The following ABCC6 variants were observed in gnomAD, a reference collection of about 807,000 sequenced individuals.
ABCC6 encodes the protein ATP binding cassette subfamily C member 6, also known as ATP-binding cassette sub-family C member 6.
A neutral mutation model predicts 169.5 loss-of-function variants in ABCC6; 126 were observed. The observed-to-expected ratio is 0.74, with a 90% CI of 0.64 to 0.86. The LOEUF (loss-of-function observed/expected upper bound fraction) is 0.86. Among genes scored for constraint, ABCC6 ranks in the 40% least tolerant of loss-of-function variants. The probability of loss-of-function intolerance (pLI) is 0.00; values close to 1 mark genes in which losing one functional copy is unlikely to be tolerated. For synonymous variants in ABCC6, 752 were observed against 814.7 expected, an observed-to-expected ratio of 0.92 and a Z score of 1.31; for missense variants, 1,733 against 1,927.2, an observed-to-expected ratio of 0.90 and a Z score of 1.89.
intron 10 of ABCC6, 21 bp downstream of exon 10, chr16:16,198,000 C>T (rs1186845797): frequency 2.5e-6 from 4 of 1,612,136 alleles, no homozygotes; most frequent in Middle Eastern, 1.6e-4. Context: ...GTTCAAATCC[C>T]GTCTTCCTCC....
rs6498616 is a variant in ABCC6, at chr16:16,177,771, C to T, written c.2416-145G>A. ...CAGCCTGGCTGACACGGCTAAGCCCCATCTCTACTAAAAATACAAAAATTA... is the reference window on the plus strand; with the variant it reads ...CAGCCTGGCTGACACGGCTAAGCCCTATCTCTACTAAAAATACAAAAATTA... On this transcript the variant is annotated intron_variant, in intron 18 of 30. Coordinates refer to ENST00000205557, the MANE Select transcript of ABCC6 (RefSeq NM_001171.6). The T allele has an allele frequency of 0.98, 886,342 of 905,218 alleles. 434,243 individuals are homozygous for T. Among genetic ancestry groups the T allele is most frequent in the East Asian group, 1 (39,631 of 39,640 alleles). The allele number at this position is 905,218 out of a possible 1,614,324, so 56.1% of individuals were successfully genotyped here. A position where few individuals can be genotyped will look rare whatever the true frequency, so the allele number is the denominator to read the frequency against.
chr16:16,191,111 G>A (rs898656964), intron 11 of ABCC6, among the ~76,000 whole-genome samples: 1 of 151,756 alleles, frequency 6.6e-6, no homozygotes, highest in African/African-American at 2.4e-5. Context: ...AGGGGCAGCT[G>A]CCTGGAGAAG....
chr16:16,150,710 A>T lies in ABCC6; in HGVS notation c.4271T>A (p.Ile1424Asn). Residue 1424 changes from isoleucine to asparagine, a missense_variant, in exon 30 of 31, where the codon ATC (isoleucine) becomes AAC (asparagine). Coordinates refer to ENST00000205557, the MANE Select transcript of ABCC6 (RefSeq NM_001171.6). ...CACGGCAGCAGTAGCCTCGTCCAGG[A>T]TGAGGATCTGGGTCTTCCGGAGAAG... ...RALLRKTQILILDEATAAVDP... is the reference protein window; with the variant it reads ...RALLRKTQILNLDEATAAVDP... 1.2e-6 allele frequency: 2 copies of T among 1,613,984 alleles called. No individual in the cohort carries two copies. The highest frequency in any genetic ancestry group is 1.7e-6 in the Non-Finnish European group (2 of 1,180,004).
At chr16:16,152,770 C>T (rs2046426918) in intron 29 of ABCC6, among the ~76,000 whole-genome samples, 1 of 151,880 alleles carries the variant, frequency 6.6e-6, no homozygotes, top group South Asian at 2.1e-4. Context: ...CCCAGGCAGT[C>T]TGTCACCTGT....
At chr16:16,197,454 G>A (rs1442803825) in intron 10 of ABCC6, among the ~76,000 whole-genome samples, 1 of 150,918 alleles carries the variant, frequency 6.6e-6, no homozygotes, top group Non-Finnish European at 1.5e-5. Context: ...AGAAAAAGGA[G>A]GAGAGGAAGA....
At chr16:16,191,541 C>A (rs971743758) in intron 11 of ABCC6, among the ~76,000 whole-genome samples, 10 of 151,982 alleles carry the variant, frequency 6.6e-5, no homozygotes, top group African/African-American at 2.4e-4. Context: ...GAAATAAGTT[C>A]CTTCCCTCCA....
At chr16:16,177,719 G>T in intron 18 of ABCC6, 93 bp from the exon 19 acceptor site, 1 of 1,489,886 alleles carries the variant, frequency 6.7e-7, no homozygotes, top group Non-Finnish European at 9.3e-7. Context: ...AAAGCATGTG[G>T]ATCACTTGAG....
At chr16:16,164,183 G>A (rs553213812) in intron 23 of ABCC6, among the ~76,000 whole-genome samples, 36 of 152,096 alleles carry the variant, frequency 2.4e-4, no homozygotes, top group Non-Finnish European at 3.5e-4. Context: ...ACAAGCATGC[G>A]CCACCACACT....
chr16:16,165,224 A>G (rs958556569), intron 23 of ABCC6, among the ~76,000 whole-genome samples: 1 of 152,216 alleles, frequency 6.6e-6, no homozygotes, highest in African/African-American at 2.4e-5. Flanking sequence ...CAGCCTGGGC[A>G]ACACAGGAAG....
rs1403578881 is a variant in ABCC6, at chr16:16,208,829, C to A, written c.693G>T (p.Leu231=). Reference sequence around the variant, plus strand: ...CAAGCGACCAGAGGTCTTTTGGTCTCAGTGGCCTCCTGTATCCCCTCCAGA... The same window carrying A: ...CAAGCGACCAGAGGTCTTTTGGTCTAAGTGGCCTCCTGTATCCCCTCCAGA... ...GLVWRGYRRP[L]RPKDLWSLGR... Residue 231 remains leucine, a synonymous_variant, in exon 7 of 31, where the codon CTG becomes CTT. Coordinates refer to ENST00000205557, the MANE Select transcript of ABCC6 (RefSeq NM_001171.6). 6.2e-7 allele frequency: 1 copy of A among 1,613,466 alleles called. No individual in the cohort carries two copies. The highest frequency in any genetic ancestry group is 8.5e-7 in the Non-Finnish European group (1 of 1,179,732).
Position 16,150,597 on chromosome 16 carries a change from A to C in ABCC6, c.4384T>G (p.Ser1462Ala), listed in dbSNP as rs752497561. Residue 1462 changes from serine to alanine, a missense_variant, in exon 30 of 31, where the codon TCC becomes GCC. Around this residue, in one of 5 missense-constraint regions of ABCC6, gnomAD observed 1,601 missense variants for 1,635.5 expected, o/e 0.98. Coordinates refer to ENST00000205557, the MANE Select transcript of ABCC6 (RefSeq NM_001171.6). ...TVLLIAHRLR[S>A]VMDCARVLVM... ...CCTTACCGGGCACAGTCCATCACGG[A>C]GCGCAGGCGGTGGGCAATGAGCAGC... is the stretch of plus-strand genomic sequence containing the variant. 6.2e-6 allele frequency: 10 copies of C among 1,612,052 alleles called. No homozygotes were observed. Among genetic ancestry groups the C allele is most frequent in the Non-Finnish European group, 8.5e-6 (10 of 1,178,888 alleles).
In ABCC6 at chr16:16,198,078, G is replaced by A; in HGVS notation, c.1281C>T (p.Leu427=). The part of the protein sequence containing the change: ...VQRLTESVLY[L]NGLWLPLVWI... ...AGACGAGAGGCAGCCACAGCCCGTT[G>A]AGGTAGAGGACGCTCTCGGTCAGCC... The change falls in exon 10 of 31, where the codon CTC becomes CTT. Residue 427 remains leucine (L), a synonymous_variant. Coordinates refer to ENST00000205557, the MANE Select transcript of ABCC6 (RefSeq NM_001171.6). The A allele has an allele frequency of 6.2e-7, 1 of 1,614,138 alleles. No individual in the cohort carries two copies.
At chr16:16,170,213 G>T (rs762844632) in intron 21 of ABCC6, among the ~76,000 whole-genome samples, 2 of 151,494 alleles carry the variant, frequency 1.3e-5, no homozygotes, top group East Asian at 1.9e-4. Flanking sequence ...TAATCCCCCC[G>T]CCTCAGCCTC....
chr16:16,214,756 C>T (rs2048788187), intron 4 of ABCC6, among the ~76,000 whole-genome samples: 1 of 152,124 alleles, frequency 6.6e-6, no homozygotes, highest in South Asian at 2.1e-4. Flanking sequence ...AGGTGCCCAC[C>T]ACCATGCCTG....
At chr16:16,189,697 C>T (rs1246590983) in intron 12 of ABCC6, among the ~76,000 whole-genome samples, 1 of 152,166 alleles carries the variant, frequency 6.6e-6, no homozygotes, top group Non-Finnish European at 1.5e-5. Context: ...GGACGACAGG[C>T]ATGAGCCACC....
chr16:16,187,691 T>G (rs762468745), intron 13 of ABCC6, among the ~76,000 whole-genome samples: 80 of 151,622 alleles, frequency 5.3e-4, no homozygotes, highest in Non-Finnish European at 1.6e-4. Context: ...AGGCCAGGAG[T>G]TGGAGACCTG....
intron 12 of ABCC6, 54 bp downstream of exon 12, chr16:16,190,110 A>C (rs2047796406): frequency 1.9e-6 from 3 of 1,590,724 alleles, no homozygotes; most frequent in Admixed American, 1.7e-5. Flanking sequence ...CCCTGCCCCC[A>C]CCCCCGCACT....
intron 6 of ABCC6, among the ~76,000 whole-genome samples, chr16:16,209,609 T>C (rs2048527003): frequency 6.6e-6 from 1 of 151,564 alleles, no homozygotes; most frequent in Admixed American, 6.6e-5. Context: ...TTTTAATTAT[T>C]ATTATTTTTT....
chr16:16,187,904 A>T (rs1041145987), intron 13 of ABCC6, among the ~76,000 whole-genome samples: 3 of 119,750 alleles, frequency 2.5e-5, no homozygotes, highest in Non-Finnish European at 3.5e-5. Flanking sequence ...CTCAATAAAT[A>T]AATTAAATAA....
Sources: gnomAD v4.1 joint callset for allele counts (sites outside exome capture counted in the v4.1 genomes callset) on GRCh38, gnomAD v4.1.1 for gene constraint, gnomAD v4.1.1 regional missense constraint, MANE v1.5 for transcripts, NCBI Gene and HGNC (gene_info 2026-07-23, HGNC 2026-07-21) for gene names.